Variants in MCCC1 observed in about 807,000 individuals in gnomAD.
The protein encoded by MCCC1 is methylcrotonyl-CoA carboxylase subunit 1.
In MCCC1, 64 loss-of-function variants were observed where a neutral mutation model predicts 83.8. That is an observed-to-expected ratio of 0.76 (90% CI 0.62 to 0.94). MCCC1 has a LOEUF of 0.94. Ranked by LOEUF, MCCC1 falls within the 40% of genes least tolerant of loss-of-function variation. The pLI, the probability that MCCC1 is intolerant of heterozygous loss-of-function variation, is 0.00. For synonymous variants in MCCC1, 322 were observed against 315.4 expected (o/e 1.02, Z -0.22); for missense variants, 807 against 904.7 (o/e 0.89, Z 1.39).
intron 1 of MCCC1, among the ~76,000 whole-genome samples, chr3:183,110,064 G>A (rs561765509): frequency 9.1e-4 from 139 of 152,250 alleles, no homozygotes; most frequent in African/African-American, 3.1e-3. Flanking sequence ...TTTGAGAAGT[G>A]TCTGTTCATG....
chr3:183,114,163 G>A (rs971217155), intron 1 of MCCC1, among the ~76,000 whole-genome samples: 1 of 152,082 alleles, frequency 6.6e-6, no homozygotes, highest in Non-Finnish European at 1.5e-5. Flanking sequence ...GATTGATAAC[G>A]CCCAAAGCCC....
At chr3:183,094,678 A>G in intron 1 of MCCC1, 73 bp from the exon 2 acceptor site, 1 of 1,494,452 alleles carries the variant, frequency 6.7e-7, no homozygotes, top group Non-Finnish European at 9.3e-7. Context: ...AAAGAATTTC[A>G]GTTTCTTAAA....
intron 7 of MCCC1, among the ~76,000 whole-genome samples, chr3:183,062,549 T>G (rs1350996822): frequency 6.6e-6 from 1 of 152,000 alleles, no homozygotes; most frequent in African/African-American, 2.4e-5. Context: ...GAGACAGGGT[T>G]TCACCGTGTT....
At chr3:183,018,958 T>C (rs76311419) in intron 17 of MCCC1, among the ~76,000 whole-genome samples, 86 of 152,338 alleles carry the variant, frequency 5.6e-4, no homozygotes, top group African/African-American at 2.0e-3. Context: ...CTCACTTTCG[T>C]TTTGGTTAAC....
intron 1 of MCCC1, among the ~76,000 whole-genome samples, chr3:183,112,101 C>T (rs1469082518): frequency 3.9e-5 from 6 of 152,094 alleles, no homozygotes; most frequent in Non-Finnish European, 8.8e-5. Flanking sequence ...CAAATGTATG[C>T]CAGCTCAGCT....
intron 12 of MCCC1, among the ~76,000 whole-genome samples, chr3:183,037,878 C>T (rs1286183699): frequency 6.6e-6 from 1 of 152,130 alleles, no homozygotes; most frequent in African/African-American, 2.4e-5. Context: ...GGATTAAATG[C>T]CCTCAAAAGA....
At chr3:183,090,968 A>AAGTC (rs1463161837) in intron 3 of MCCC1, 1 of 456,644 alleles carries the variant, frequency 2.2e-6, no homozygotes, top group East Asian at 6.9e-5. Context: ...AGACATAACT[A>AAGTC]AGTCAGCAGA....
chr3:183,068,260 T>G (rs1577324083), intron 7 of MCCC1, among the ~76,000 whole-genome samples: 1 of 152,122 alleles, frequency 6.6e-6, no homozygotes, highest in Non-Finnish European at 1.5e-5. Context: ...AGATAGAAGG[T>G]CAGCAAAAGA....
chr3:183,114,543 G>A (rs1376827204), intron 1 of MCCC1, among the ~76,000 whole-genome samples: 2 of 152,172 alleles, frequency 1.3e-5, no homozygotes. Flanking sequence ...CTCGGTATTT[G>A]AGGGTGGGGA....
chr3:183,095,023 C>T (rs1718636060), intron 1 of MCCC1, among the ~76,000 whole-genome samples: 1 of 152,172 alleles, frequency 6.6e-6, no homozygotes, highest in African/African-American at 2.4e-5. Context: ...GTGGCTCACA[C>T]CTGTAATCCC....
intron 16 of MCCC1, among the ~76,000 whole-genome samples, chr3:183,021,739 A>C (rs1712177411): frequency 6.6e-6 from 1 of 152,198 alleles, no homozygotes; most frequent in Non-Finnish European, 1.5e-5. Flanking sequence ...ATGCCTGGCA[A>C]AGTGGGATCA....
At chr3:183,078,070 A>G (rs542436141) in intron 4 of MCCC1, among the ~76,000 whole-genome samples, 2 of 152,114 alleles carry the variant, frequency 1.3e-5, no homozygotes, top group South Asian at 2.1e-4. Context: ...CCCAGGCTGG[A>G]GTGCAATGGC....
At chr3:183,109,655 T>C (rs1019479473) in intron 1 of MCCC1, among the ~76,000 whole-genome samples, 13 of 152,222 alleles carry the variant, frequency 8.5e-5, no homozygotes, top group Admixed American at 2.0e-4. Context: ...CAGTCCACTG[T>C]TGATGGGCAC....
At chr3:183,062,091 G>A (rs1171719191) in intron 7 of MCCC1, among the ~76,000 whole-genome samples, 1 of 152,126 alleles carries the variant, frequency 6.6e-6, no homozygotes, top group African/African-American at 2.4e-5. Flanking sequence ...TTCACCTCCT[G>A]CCATGATTGT....
intron 8 of MCCC1, among the ~76,000 whole-genome samples, chr3:183,054,986 G>C (rs1715299342): frequency 6.6e-6 from 1 of 152,150 alleles, no homozygotes; most frequent in Non-Finnish European, 1.5e-5. Context: ...TTAGGTTTAA[G>C]TACACTCTAT....
intron 4 of MCCC1, among the ~76,000 whole-genome samples, chr3:183,078,934 G>A (rs1313509258): frequency 3.3e-5 from 5 of 152,188 alleles, no homozygotes; most frequent in East Asian, 1.9e-4. Context: ...GAGAGCTTGT[G>A]CAGGGAAACA....
At chr3:183,114,440 C>T (rs1576861789) in intron 1 of MCCC1, among the ~76,000 whole-genome samples, 3 of 152,050 alleles carry the variant, frequency 2.0e-5, no homozygotes, top group Non-Finnish European at 2.9e-5. Flanking sequence ...CTAACTCGCT[C>T]GGGTACAACA....
chr3:183,041,898 T>A, intron 10 of MCCC1, 148 bp from the exon 11 acceptor site: 1 of 907,436 alleles, frequency 1.1e-6, no homozygotes, highest in Non-Finnish European at 1.7e-6. Flanking sequence ...GTCTACTCAT[T>A]TGAGTATTGG....
chr3:183,020,410 T>C (rs905287618), intron 16 of MCCC1, among the ~76,000 whole-genome samples, 173 bp from the exon 17 acceptor site: 4 of 152,126 alleles, frequency 2.6e-5, no homozygotes, highest in African/African-American at 7.2e-5. Flanking sequence ...GGTAGGCAGA[T>C]GGCTTGAGCC....
Sources: gnomAD v4.1 joint callset for allele counts (sites outside exome capture counted in the v4.1 genomes callset) on GRCh38, gnomAD v4.1.1 for gene constraint, MANE v1.5 for transcripts, NCBI Gene and HGNC (gene_info 2026-07-23, HGNC 2026-07-21) for gene names.